The following RNF182 variants were observed in gnomAD, a reference collection of about 807,000 sequenced individuals.
The protein encoded by RNF182 is E3 ubiquitin-protein ligase RNF182.
In RNF182, 15 loss-of-function variants were observed where a neutral mutation model predicts 14.4. The ratio of observed to expected loss-of-function variants is 1.04; its 90% CI spans 0.70 to 1.60. RNF182 has a LOEUF of 1.60. Ranked by LOEUF, RNF182 falls within the 40% of genes most tolerant of loss-of-function variation. The pLI, the probability that RNF182 is intolerant of heterozygous loss-of-function variation, is 0.00. For missense variants in RNF182, 268 were observed against 294.8 expected, an observed-to-expected ratio of 0.91 and a Z score of 0.67; for synonymous variants, 128 against 122.9, an observed-to-expected ratio of 1.04 and a Z score of -0.27.
At chr6:13,973,550 T>A (rs1408153694) in intron 1 of RNF182, among the ~76,000 whole-genome samples, 2 of 152,112 alleles carry the variant, frequency 1.3e-5, no homozygotes, top group Non-Finnish European at 2.9e-5. Flanking sequence ...CCTATACTGT[T>A]CTCATGATAG....
chr6:13,974,322 C>G lies in RNF182; in HGVS notation c.-254C>G, dbSNP rs573488044. On this transcript the variant is annotated 5_prime_UTR_variant, in exon 2 of 3. Coordinates refer to ENST00000488300, the MANE Select transcript of RNF182 (RefSeq NM_152737.4). ...GAGGCAGGACTTGATGAAGGCTTTC[C>G]TGCTGATGGAATAGGTTTGCTAGAG... 1.3e-5 allele frequency: 2 copies of G among 152,254 alleles called. No individual in the cohort carries two copies. The highest frequency in any genetic ancestry group is 4.1e-4 in the South Asian group (2 of 4,826). The allele number at this position is 152,254 out of a possible 1,614,324, so 9.4% of individuals were successfully genotyped here.
At chr6:13,963,373 G>A (rs553053437) in intron 1 of RNF182, among the ~76,000 whole-genome samples, 10 of 152,282 alleles carry the variant, frequency 6.6e-5, no homozygotes, top group Non-Finnish European at 1.5e-4. Context: ...GAAATAGCAT[G>A]CTATTTTGCT....
chr6:13,962,462 A>G (rs1759906971), intron 1 of RNF182, among the ~76,000 whole-genome samples: 2 of 152,262 alleles, frequency 1.3e-5, no homozygotes, highest in Admixed American at 1.3e-4. Flanking sequence ...GTTATTAGTC[A>G]AAGAATTTAA....
intron 1 of RNF182, among the ~76,000 whole-genome samples, chr6:13,935,582 A>C (rs895814155): frequency 1.3e-5 from 2 of 152,216 alleles, no homozygotes; most frequent in African/African-American, 4.8e-5. Flanking sequence ...AATAAGTAGA[A>C]GATGTTTTCA....
At position 13,974,714 on chromosome 6, in the gene RNF182, C is replaced by T. The variant is rs150071832; in HGVS notation, c.-212+350C>T. Among the ~76,000 whole-genome samples the T allele has an allele frequency of 4.7e-3, 709 of 152,278 alleles. 6 individuals carry two copies. Among genetic ancestry groups the T allele is most frequent in the Middle Eastern group, 0.014 (4 of 294 alleles). On this transcript the variant is annotated intron_variant, in intron 2 of 2. Transcript: ENST00000488300. ...ATGCTGATGTTCTAATGTGTTCTTA[C>T]GTATTCATAAACACTCACATGTCTA...
chr6:13,946,784 T>C (rs1759450515), intron 1 of RNF182, among the ~76,000 whole-genome samples: 2 of 152,186 alleles, frequency 1.3e-5, no homozygotes, highest in Non-Finnish European at 2.9e-5. Context: ...GGATAGAAAT[T>C]TATCTTCTGT....
intron 1 of RNF182, among the ~76,000 whole-genome samples, chr6:13,971,082 G>A (rs372478851): frequency 1.3e-5 from 2 of 151,988 alleles, no homozygotes; most frequent in East Asian, 1.9e-4. Context: ...AAGTCTGCTT[G>A]GACACTGTTT....
intron 1 of RNF182, among the ~76,000 whole-genome samples, chr6:13,927,324 T>C (rs1319582761): frequency 6.6e-6 from 1 of 152,160 alleles, no homozygotes; most frequent in African/African-American, 2.4e-5. Flanking sequence ...AGCAATTGTG[T>C]TTTCTGTCCA....
At chr6:13,964,736 G>A (rs916508041) in intron 1 of RNF182, among the ~76,000 whole-genome samples, 1 of 152,150 alleles carries the variant, frequency 6.6e-6, no homozygotes, top group Admixed American at 6.5e-5. Flanking sequence ...TGGATACTGT[G>A]ATGAACTTGA....
intron 1 of RNF182, among the ~76,000 whole-genome samples, chr6:13,945,985 G>C (rs76078068): frequency 0.091 from 13,893 of 151,990 alleles, 772 homozygotes; most frequent in South Asian, 0.21. Flanking sequence ...AAAAGCAAGA[G>C]GAGAAACACG....
intron 2 of RNF182, 65 bp from the exon 3 acceptor site, chr6:13,976,844 C>T: frequency 2.7e-6 from 1 of 373,576 alleles, no homozygotes; most frequent in Non-Finnish European, 4.8e-6. Context: ...TTCCATAAAG[C>T]ACTTTTCAGA....
chr6:13,943,970 T>C (rs1213795849), intron 1 of RNF182, among the ~76,000 whole-genome samples: 2 of 152,210 alleles, frequency 1.3e-5, no homozygotes, highest in Admixed American at 1.3e-4. Context: ...ACAGGAAATA[T>C]AGTTGTGCAA....
intron 1 of RNF182, among the ~76,000 whole-genome samples, chr6:13,936,869 A>G (rs1030612336): frequency 7.2e-5 from 11 of 152,182 alleles, no homozygotes; most frequent in African/African-American, 2.7e-4. Flanking sequence ...AGGGCATCAT[A>G]AAAGCTTAGA....
intron 1 of RNF182, 83 bp from the exon 2 acceptor site, chr6:13,974,127 A>C (rs1760264963): frequency 6.6e-6 from 1 of 152,094 alleles, no homozygotes; most frequent in African/African-American, 2.4e-5. Context: ...AAGATAGATG[A>C]AACTTTTTTT....
intron 1 of RNF182, among the ~76,000 whole-genome samples, chr6:13,966,772 ACC>A (rs1214788959): frequency 2.9e-5 from 1 of 34,034 alleles, no homozygotes; most frequent in Non-Finnish European, 6.7e-5. Context: ...CCACCCCCCC[ACC>A]CCCCCACCAA....
chr6:13,925,001 G>C lies in RNF182; in HGVS notation c.-389G>C, dbSNP rs1470972145. Reference sequence around the variant, plus strand: ...GCCGCCGCAGCCGGAGCGGCTCCCGGGCCCTGGGCCGCCGCCGGCCAGGTA... The same window carrying C: ...GCCGCCGCAGCCGGAGCGGCTCCCGCGCCCTGGGCCGCCGCCGGCCAGGTA... On this transcript the variant is annotated 5_prime_UTR_variant, in exon 1 of 3. Transcript: ENST00000488300. The C allele has an allele frequency of 1.7e-5, 2 of 118,310 alleles. No homozygotes were observed. Among genetic ancestry groups the C allele is most frequent in the Non-Finnish European group, 3.9e-5 (2 of 51,296 alleles). 7.3% of individuals were successfully genotyped at this position (118,310 alleles called of 1,614,324 possible).
chr6:13,941,451 A>G (rs1585033711), intron 1 of RNF182, among the ~76,000 whole-genome samples: 2 of 152,028 alleles, frequency 1.3e-5, no homozygotes, highest in African/African-American at 4.8e-5. Context: ...TGTTTCTTTT[A>G]TAAGCCGCAT....
At chr6:13,944,036 G>A (rs1759372255) in intron 1 of RNF182, among the ~76,000 whole-genome samples, 1 of 152,134 alleles carries the variant, frequency 6.6e-6, no homozygotes, top group Non-Finnish European at 1.5e-5. Context: ...GGGACAAGAT[G>A]CCCACCAGTT....
At chr6:13,951,146 T>A (rs1396885549) in intron 1 of RNF182, among the ~76,000 whole-genome samples, 1 of 152,152 alleles carries the variant, frequency 6.6e-6, no homozygotes, top group Non-Finnish European at 1.5e-5. Context: ...TATGTAAACA[T>A]CACACACACA....
Sources: allele counts gnomAD v4.1 joint callset (sites outside exome capture counted in the v4.1 genomes callset), GRCh38; gene constraint gnomAD v4.1.1; transcripts MANE v1.5; gene names NCBI Gene and HGNC (gene_info 2026-07-23, HGNC 2026-07-21).